DENND1A: variants seen among roughly 807,000 people sequenced by gnomAD.
The protein encoded by DENND1A is DENN domain containing 1A.
A neutral mutation model predicts 113.7 loss-of-function variants in DENND1A; 51 were observed. The ratio of observed to expected loss-of-function variants is 0.45; its 90% CI spans 0.36 to 0.57. The LOEUF (loss-of-function observed/expected upper bound fraction) is 0.57. Ranked by LOEUF, DENND1A falls within the 20% of genes least tolerant of loss-of-function variation. DENND1A has a pLI of 0.00. For missense variants in DENND1A, 1,258 were observed against 1,395.9 expected (o/e 0.90, Z 1.57); for synonymous variants, 565 against 570.8 (o/e 0.99, Z 0.14).
intron 13 of DENND1A, chr9:123,491,974 A>C (rs2051414531): frequency 6.6e-6 from 1 of 152,272 alleles, no homozygotes; most frequent in Non-Finnish European, 1.5e-5. Context: ...AACTCTAAAG[A>C]AACAGCTGGA....
chr9:123,776,352 C>A (rs911616645), intron 3 of DENND1A, among the ~76,000 whole-genome samples: 1 of 152,046 alleles, frequency 6.6e-6, no homozygotes, highest in Non-Finnish European at 1.5e-5. Context: ...ACCTAAAGGT[C>A]TAAAAATTAT....
intron 13 of DENND1A, among the ~76,000 whole-genome samples, chr9:123,460,576 T>G (rs187615432): frequency 5.9e-5 from 9 of 152,322 alleles, no homozygotes; most frequent in Admixed American, 4.6e-4. Flanking sequence ...TTCTTAACTG[T>G]CATTATCCAC....
At chr9:123,787,137 T>A (rs1832307400) in intron 3 of DENND1A, among the ~76,000 whole-genome samples, 1 of 150,986 alleles carries the variant, frequency 6.6e-6, no homozygotes, top group African/African-American at 2.5e-5. Flanking sequence ...TACACCACAC[T>A]GCTTCTTATG....
Position 123,381,602 on chromosome 9 carries a change from G to A in DENND1A, c.3043C>T (p.Pro1015Ser), listed in dbSNP as rs754315383. 1 of 1,613,168 alleles carries A rather than the reference G, an allele frequency of 6.2e-7. No individual in the cohort carries two copies. The highest frequency in any genetic ancestry group is 8.5e-7 in the Non-Finnish European group (1 of 1,179,838). The change falls in exon 24 of 24, where the codon CCC (proline) becomes TCC (serine). Residue 1015 changes from proline (P) to serine (S), a missense_variant. By Grantham distance (74) the Pro-to-Ser change is moderately conservative. Coordinates refer to ENST00000394215, the MANE Select transcript of DENND1A (RefSeq NM_001352964.2). This position sits in a 1 kb window ranked among gnomAD's most constrained non-coding sequence, Gnocchi z 4.7. The stretch of plus-strand genomic sequence containing the variant: ...AGTGTTGGCTCCAGGCCTTGAGGGG[G>A]CCTGGGAGGCAGAAGCGGGGGGTCT... Reference protein sequence around the residue: ...PGDPPLLPPRPPQGLEPTLQP... With the variant: ...PGDPPLLPPRSPQGLEPTLQP...
At chr9:123,826,698 C>A (rs898124311) in intron 2 of DENND1A, among the ~76,000 whole-genome samples, 1 of 152,186 alleles carries the variant, frequency 6.6e-6, no homozygotes, top group Non-Finnish European at 1.5e-5. Flanking sequence ...CTATTCTCCA[C>A]TCTGTCCCAT....
At chr9:123,636,890 T>G (rs1053481173) in intron 9 of DENND1A, among the ~76,000 whole-genome samples, 9 of 152,132 alleles carry the variant, frequency 5.9e-5, no homozygotes, top group Non-Finnish European at 1.3e-4. Flanking sequence ...GAGATGGGGT[T>G]TCTCCATGTT....
chr9:123,674,342 T>TCACA (rs546398875), intron 6 of DENND1A, among the ~76,000 whole-genome samples: 2,431 of 132,270 alleles, frequency 0.018, 54 homozygotes, highest in East Asian at 0.074. Flanking sequence ...TGTCTCTCTC[T>TCACA]CACACACACA....
intron 5 of DENND1A, among the ~76,000 whole-genome samples, chr9:123,731,485 C>A (rs990351196): frequency 6.6e-6 from 1 of 152,142 alleles, no homozygotes; most frequent in African/African-American, 2.4e-5. Context: ...ACAAATGGTG[C>A]TGGAACAACT....
intron 2 of DENND1A, among the ~76,000 whole-genome samples, chr9:123,827,181 A>G (rs1251857686): frequency 1.3e-5 from 2 of 152,050 alleles, no homozygotes; most frequent in Admixed American, 1.3e-4. Context: ...TCTGCAGTCT[A>G]TATTACACAT....
chr9:123,911,213 A>G (rs748456877), intron 1 of DENND1A, among the ~76,000 whole-genome samples: 2 of 152,232 alleles, frequency 1.3e-5, no homozygotes, highest in Non-Finnish European at 2.9e-5. Context: ...GCAGATTAAA[A>G]CCACAATGAG....
At chr9:123,410,247 C>A (rs1001741844) in intron 20 of DENND1A, among the ~76,000 whole-genome samples, 1 of 152,206 alleles carries the variant, frequency 6.6e-6, no homozygotes, top group Non-Finnish European at 1.5e-5. Flanking sequence ...GCCAGAGTGA[C>A]ATGACTTCAG....
At chr9:123,418,695 C>T (rs1051812513) in intron 19 of DENND1A, among the ~76,000 whole-genome samples, 5 of 152,326 alleles carry the variant, frequency 3.3e-5, no homozygotes, top group Middle Eastern at 3.4e-3. Context: ...GCCGGTGCTT[C>T]CAGGGCCTAA....
At chr9:123,506,181 T>C (rs1157442022) in intron 13 of DENND1A, among the ~76,000 whole-genome samples, 3 of 152,220 alleles carry the variant, frequency 2.0e-5, no homozygotes, top group Non-Finnish European at 4.4e-5. Context: ...AGTTTTTTCA[T>C]CTGCACAACA....
chr9:123,535,906 A>G (rs1335809899), intron 13 of DENND1A, among the ~76,000 whole-genome samples: 1 of 152,144 alleles, frequency 6.6e-6, no homozygotes, highest in African/African-American at 2.4e-5. Context: ...AAGATATTTT[A>G]CCTTTCCTAG....
chr9:123,824,676 C>G (rs776397263), intron 2 of DENND1A, among the ~76,000 whole-genome samples: 2 of 152,124 alleles, frequency 1.3e-5, no homozygotes, highest in African/African-American at 4.8e-5. Flanking sequence ...ATAACACCAG[C>G]ATACCTCCCA....
At chr9:123,799,666 C>A (rs1834321971) in intron 2 of DENND1A, among the ~76,000 whole-genome samples, 1 of 152,184 alleles carries the variant, frequency 6.6e-6, no homozygotes, top group African/African-American at 2.4e-5. Flanking sequence ...GTTATGAGGC[C>A]AAGTTCCATG....
intron 2 of DENND1A, among the ~76,000 whole-genome samples, chr9:123,859,631 G>A (rs1844772860): frequency 6.6e-6 from 1 of 151,880 alleles, no homozygotes; most frequent in Non-Finnish European, 1.5e-5. Flanking sequence ...CTGCATCGTT[G>A]CTGTGAAGAT....
chr9:123,651,466 C>T (rs79268315), intron 9 of DENND1A, among the ~76,000 whole-genome samples: 3,592 of 152,372 alleles, frequency 0.024, 60 homozygotes, highest in South Asian at 0.058. Context: ...ATGGTGCACT[C>T]ATCTACAGCT....
chr9:123,481,504 T>A (rs976574636), intron 13 of DENND1A, among the ~76,000 whole-genome samples: 10 of 152,348 alleles, frequency 6.6e-5, no homozygotes, highest in Middle Eastern at 3.4e-3. Flanking sequence ...GCAGCTATCA[T>A]TATTCCTATT....
Sources: allele counts gnomAD v4.1 joint callset (sites outside exome capture counted in the v4.1 genomes callset), GRCh38; gene constraint gnomAD v4.1.1; non-coding constraint Gnocchi (gnomAD v3.1); transcripts MANE v1.5; gene names NCBI Gene and HGNC (gene_info 2026-07-23, HGNC 2026-07-21).